The following LUZP2 variants were observed in gnomAD, a reference collection of about 807,000 sequenced individuals.
LUZP2 encodes the protein leucine zipper protein 2.
In LUZP2, 52 loss-of-function variants were observed where a neutral mutation model predicts 51.6. That is an observed-to-expected ratio of 1.01 (90% CI 0.81 to 1.27). The LOEUF is 1.27. Among genes scored for constraint, LUZP2 ranks in the 50% most tolerant of loss-of-function variants. The pLI, the probability that LUZP2 is intolerant of heterozygous loss-of-function variation, is 0.00. For missense variants in LUZP2, 436 were observed against 395.4 expected, an observed-to-expected ratio of 1.10 and a Z score of -0.87; for synonymous variants, 154 against 137.3, an observed-to-expected ratio of 1.12 and a Z score of -0.85.
At chr11:24,717,497 C>T (rs1858096637) in intron 1 of LUZP2, among the ~76,000 whole-genome samples, 1 of 151,232 alleles carries the variant, frequency 6.6e-6, no homozygotes, top group Admixed American at 6.6e-5. Flanking sequence ...AAGCTCCGAC[C>T]CCCGAGTTCA....
chr11:24,940,460 G>A (rs1221255191), intron 7 of LUZP2, among the ~76,000 whole-genome samples: 1 of 152,036 alleles, frequency 6.6e-6, no homozygotes, highest in Non-Finnish European at 1.5e-5. Flanking sequence ...GAGAGATTCT[G>A]GATCCAAGCC....
chr11:24,906,801 A>C (rs2133789155), intron 6 of LUZP2, among the ~76,000 whole-genome samples: 1 of 152,314 alleles, frequency 6.6e-6, no homozygotes, highest in South Asian at 2.1e-4. Flanking sequence ...TTCAAGAAAT[A>C]GCTTATGAAT....
chr11:24,738,916 T>C (rs1267167566), intron 4 of LUZP2, among the ~76,000 whole-genome samples: 1 of 152,012 alleles, frequency 6.6e-6, no homozygotes, highest in East Asian at 1.9e-4. Flanking sequence ...GAAAACTAGG[T>C]TTCTACTGTA....
At chr11:24,950,679 T>G (rs1855049127) in intron 7 of LUZP2, among the ~76,000 whole-genome samples, 1 of 151,732 alleles carries the variant, frequency 6.6e-6, no homozygotes, top group South Asian at 2.1e-4. Context: ...TAGCTCAAAC[T>G]TCCCGATAAT....
At chr11:24,978,115 T>C (rs2133907105) in intron 8 of LUZP2, among the ~76,000 whole-genome samples, 1 of 151,738 alleles carries the variant, frequency 6.6e-6, no homozygotes, top group Non-Finnish European at 1.5e-5. Context: ...CATAGTTATT[T>C]TAGTATAAAA....
At chr11:24,712,386 A>T in intron 1 of LUZP2, among the ~76,000 whole-genome samples, 1 of 151,946 alleles carries the variant, frequency 6.6e-6, no homozygotes, top group Non-Finnish European at 1.5e-5. Flanking sequence ...CTTCAGCCTG[A>T]GTGACAGAGT....
At chr11:24,911,152 C>A (rs1853621325) in intron 6 of LUZP2, among the ~76,000 whole-genome samples, 1 of 152,118 alleles carries the variant, frequency 6.6e-6, no homozygotes, top group Non-Finnish European at 1.5e-5. Flanking sequence ...AATGCCTGTA[C>A]CCCCATTGTA....
chr11:24,607,341 C>CT lies in LUZP2; in HGVS notation c.62+110065dup, dbSNP rs57741208. On this transcript the variant is annotated intron_variant, in intron 1 of 11. Coordinates refer to ENST00000336930, the MANE Select transcript of LUZP2 (RefSeq NM_001009909.4). ...GTGGTATAAGATGGGGATATTATGT[C>CT]TTTTTTTTTTTTTTTTTTTTTTTTT... Among the ~76,000 whole-genome samples the CT allele has an allele frequency of 3.6e-3, 228 of 63,382 alleles. 5 individuals carry two copies. The highest frequency in any genetic ancestry group is 4.3e-3 in the African/African-American group (79 of 18,220). 41.6% of individuals were successfully genotyped at this position (63,382 alleles called of 152,430 possible). A position where few individuals can be genotyped will look rare whatever the true frequency, so the allele number is the denominator to read the frequency against.
At chr11:24,575,506 AATGATTCATGATTCCT>A (rs1335591153) in intron 1 of LUZP2, among the ~76,000 whole-genome samples, 14 of 152,310 alleles carry the variant, frequency 9.2e-5, no homozygotes, top group African/African-American at 3.4e-4. Context: ...ATAGATTTAG[AATGATTCATGATTCCT>A]ATGATTCATG....
chr11:24,827,841 A>G (rs1455835606), intron 5 of LUZP2, among the ~76,000 whole-genome samples: 1 of 152,158 alleles, frequency 6.6e-6, no homozygotes, highest in Non-Finnish European at 1.5e-5. Context: ...TTAGAAGCCC[A>G]GGCTTCATTG....
intron 9 of LUZP2, among the ~76,000 whole-genome samples, chr11:24,995,195 C>A (rs1343015577): frequency 1.3e-5 from 2 of 152,058 alleles, no homozygotes; most frequent in Non-Finnish European, 2.9e-5. Context: ...GAGTATGAGA[C>A]CAGCCTGGGC....
rs146574488 is a variant in LUZP2 at position 25,049,443 on chromosome 11, TTTTTC to T, written c.766-576_766-572del. ...TCTCTGACCAGAACTAGGAAACAGC[TTTTTC>T]TTTTCTTTTCTTTTCTTTATTCTCT... On this transcript the variant is annotated intron_variant, in intron 9 of 11. Coordinates refer to ENST00000336930, the MANE Select transcript of LUZP2 (RefSeq NM_001009909.4). Among the ~76,000 whole-genome samples, 1,150 of 152,210 alleles carry T rather than the reference TTTTTC, an allele frequency of 7.6e-3. 27 individuals are homozygous for T. The East Asian group carries it at 0.091, about 12-fold the overall frequency.
intron 1 of LUZP2, among the ~76,000 whole-genome samples, chr11:24,580,128 C>G (rs532683756): frequency 6.6e-6 from 1 of 151,812 alleles, no homozygotes. Context: ...TTAAGATATC[C>G]CTAGTTCCCT....
chr11:24,562,070 C>T (rs1852058128), intron 1 of LUZP2, among the ~76,000 whole-genome samples: 1 of 151,818 alleles, frequency 6.6e-6, no homozygotes, highest in South Asian at 2.1e-4. Flanking sequence ...TGTGAGGGAA[C>T]GTTAGGCGAT....
intron 5 of LUZP2, among the ~76,000 whole-genome samples, chr11:24,835,549 G>A (rs1850838663): frequency 6.6e-6 from 1 of 151,946 alleles, no homozygotes; most frequent in Admixed American, 6.6e-5. Flanking sequence ...GATTCTTTAA[G>A]CTACAGTATA....
At chr11:24,728,511 A>T (rs1858580840) in intron 1 of LUZP2, among the ~76,000 whole-genome samples, 1 of 151,566 alleles carries the variant, frequency 6.6e-6, no homozygotes. Flanking sequence ...CCCTCCTCCC[A>T]TTCACTCCTG....
intron 5 of LUZP2, among the ~76,000 whole-genome samples, chr11:24,896,394 C>G (rs944272380): frequency 6.6e-6 from 1 of 152,266 alleles, no homozygotes; most frequent in South Asian, 2.1e-4. Context: ...GCCAGCCGGC[C>G]GGCGATGCCA....
At chr11:25,059,249 T>C (rs1238794002) in intron 10 of LUZP2, among the ~76,000 whole-genome samples, 1 of 152,176 alleles carries the variant, frequency 6.6e-6, no homozygotes, top group Non-Finnish European at 1.5e-5. Context: ...AACAAAGTCA[T>C]AGCAATTGGC....
chr11:24,947,689 T>A (rs1331866577), intron 7 of LUZP2, among the ~76,000 whole-genome samples: 1 of 151,866 alleles, frequency 6.6e-6, no homozygotes, highest in Non-Finnish European at 1.5e-5. Flanking sequence ...TGGTAATACC[T>A]TTTCTTTGGC....
Sources: allele counts gnomAD v4.1 joint callset (sites outside exome capture counted in the v4.1 genomes callset), GRCh38; gene constraint gnomAD v4.1.1; transcripts MANE v1.5; gene names NCBI Gene and HGNC (gene_info 2026-07-23, HGNC 2026-07-21).